FOXA3: variants seen among roughly 807,000 people sequenced by gnomAD.
FOXA3 encodes forkhead box A3.
In FOXA3, 11 loss-of-function variants were observed where a neutral mutation model predicts 16.9. That is an observed-to-expected ratio of 0.65 (90% CI 0.41 to 1.08). FOXA3 has a LOEUF of 1.08. Among genes scored for constraint, FOXA3 ranks in the 50% least tolerant of loss-of-function variants. FOXA3 has a pLI of 0.00. For synonymous variants in FOXA3, 217 were observed against 203.3 expected, an observed-to-expected ratio of 1.07 and a Z score of -0.57; for missense variants, 423 against 470.1, an observed-to-expected ratio of 0.90 and a Z score of 0.93.
intron 1 of FOXA3, among the ~76,000 whole-genome samples, chr19:45,869,977 G>C (rs1385710767): frequency 1.3e-5 from 2 of 151,540 alleles, no homozygotes; most frequent in African/African-American, 4.9e-5. Flanking sequence ...GTAGAGACAG[G>C]GTTTTGCCAT....
At position 45,873,180 on chromosome 19, in the gene FOXA3, T is replaced by TA. The variant is rs1966928020; in HGVS notation, c.*123dup. The TA allele has an allele frequency of 7.0e-7, 1 of 1,436,588 alleles. No homozygotes were observed. Among genetic ancestry groups the TA allele is most frequent in the Non-Finnish European group, 9.4e-7 (1 of 1,059,570 alleles). The allele number at this position is 1,436,588 out of a possible 1,614,324, so 89.0% of individuals were successfully genotyped here. The stretch of plus-strand genomic sequence containing the variant: ...TTAACATCTGGGTGGGTCTATTACT[T>TA]ACTGTGATGACTGCTGTCTCAGTGG... On this transcript the variant is annotated 3_prime_UTR_variant, in exon 2 of 2. Coordinates refer to ENST00000302177, the MANE Select transcript of FOXA3 (RefSeq NM_004497.3).
At position 45,872,911 on chromosome 19, in the gene FOXA3, C is replaced by T; in HGVS notation, c.906C>T (p.His302=). The T allele has an allele frequency of 6.2e-7, 1 of 1,614,184 alleles. No individual in the cohort carries two copies. The highest frequency in any genetic ancestry group is 1.3e-5 in the African/African-American group (1 of 75,040). The change falls in exon 2 of 2, where the codon CAC becomes CAT. Residue 302 remains histidine (H), a synonymous_variant. Coordinates refer to ENST00000302177, the MANE Select transcript of FOXA3 (RefSeq NM_004497.3). The surrounding 1 kb of genome is among the most constrained non-coding windows in gnomAD (Gnocchi z 4.5). ...TGGACGCGCCCTACAACTTCAACCA[C>T]CCTTTCTCCATCAACAACCTAATGT... The part of the protein sequence containing the change: ...LKLDAPYNFN[H]PFSINNLMSE...
In FOXA3 at chr19:45,872,295, C is replaced by G. The variant is rs776028725; in HGVS notation, c.290C>G (p.Pro97Arg). 1.9e-6 allele frequency: 3 copies of G among 1,613,900 alleles called. No individual in the cohort carries two copies. The highest frequency in any genetic ancestry group is 2.5e-6 in the Non-Finnish European group (3 of 1,179,808). Residue 97 changes from proline to arginine, a missense_variant, in exon 2 of 2, where the codon CCT becomes CGT. By Grantham distance (103) the Pro-to-Arg change is moderately radical (BLOSUM62 -2). Around this residue, in one of 3 missense-constraint regions of FOXA3, gnomAD observed 170 missense variants for 153.9 expected, o/e 1.10. Transcript: ENST00000302177. This position sits in a 1 kb window ranked among gnomAD's most constrained non-coding sequence, Gnocchi z 4.5. ...AGCTCCGGGTACGGGGCCCCGGGTC[C>G]TGGGCTGGTGCACGGGAAGGAGATG... ...SSSSGYGAPG[P>R]GLVHGKEMPK...
chr19:45,873,136 A>G lies in FOXA3; in HGVS notation c.*78A>G, dbSNP rs1966927608. ...CTTGGGGCCTGATCCTTCTGGTGAC[A>G]CTTCACTTGTCCCATTGGTTAACAT... On this transcript the variant is annotated 3_prime_UTR_variant, in exon 2 of 2. Coordinates refer to ENST00000302177, the MANE Select transcript of FOXA3 (RefSeq NM_004497.3). 6.5e-6 allele frequency: 10 copies of G among 1,546,656 alleles called. No homozygotes were observed. Among genetic ancestry groups the G allele is most frequent in the South Asian group, 1.2e-5 (1 of 83,270 alleles).
At chr19:45,869,599 G>A (rs1011947340) in intron 1 of FOXA3, among the ~76,000 whole-genome samples, 2 of 152,126 alleles carry the variant, frequency 1.3e-5, no homozygotes, top group Non-Finnish European at 2.9e-5. Context: ...GCATTTTACA[G>A]TCAACAGTGT....
Position 45,872,292 on chromosome 19 carries a change from G to C in FOXA3, c.287G>C (p.Gly96Ala), listed in dbSNP as rs1314889853. The change falls in exon 2 of 2, where the codon GGT becomes GCT. Residue 96 changes from glycine to alanine, a missense_variant. By Grantham distance (60) the Gly-to-Ala change is moderately conservative. Around this residue, in one of 3 missense-constraint regions of FOXA3, gnomAD observed 170 missense variants for 153.9 expected, o/e 1.10. Coordinates refer to ENST00000302177, the MANE Select transcript of FOXA3 (RefSeq NM_004497.3). This position sits in a 1 kb window ranked among gnomAD's most constrained non-coding sequence, Gnocchi z 4.5. ...AGCAGCTCCGGGTACGGGGCCCCGGGTCCTGGGCTGGTGCACGGGAAGGAG... is the reference window on the plus strand; with the variant it reads ...AGCAGCTCCGGGTACGGGGCCCCGGCTCCTGGGCTGGTGCACGGGAAGGAG... ...GSSSSGYGAP[G>A]PGLVHGKEMP... 20 of 1,613,734 alleles carry C rather than the reference G, an allele frequency of 1.2e-5. No homozygotes were observed. The highest frequency in any genetic ancestry group is 1.6e-5 in the Non-Finnish European group (19 of 1,179,786).
At chr19:45,870,695 G>C (rs757843295) in intron 1 of FOXA3, among the ~76,000 whole-genome samples, 1 of 149,782 alleles carries the variant, frequency 6.7e-6, no homozygotes, top group African/African-American at 2.5e-5. Flanking sequence ...TCAACCTCCC[G>C]AGTAGCTGGG....
chr19:45,868,689 G>A (rs1248450247), intron 1 of FOXA3, among the ~76,000 whole-genome samples: 1 of 151,536 alleles, frequency 6.6e-6, no homozygotes, highest in Non-Finnish European at 1.5e-5. Context: ...CCCCACCCAC[G>A]CAGTGCCATG....
In FOXA3 at chr19:45,868,968, G is replaced by T. The variant is rs577975760; in HGVS notation, c.70-3107G>T. Among the ~76,000 whole-genome samples the T allele has an allele frequency of 1.7e-3, 260 of 152,202 alleles. 1 individual carries two copies. The highest frequency in any genetic ancestry group is 3.0e-3 in the Non-Finnish European group (203 of 68,010). ...TTTTGAGATGGAGTCTTGCTCTGTT[G>T]CCCAGGCTGGAGGCAGTGGCACGAT... On this transcript the variant is annotated intron_variant, in intron 1 of 1. Coordinates refer to ENST00000302177, the MANE Select transcript of FOXA3 (RefSeq NM_004497.3).
intron 1 of FOXA3, among the ~76,000 whole-genome samples, chr19:45,870,134 T>C (rs1430023000): frequency 6.6e-6 from 1 of 150,476 alleles, no homozygotes; most frequent in East Asian, 2.0e-4. Context: ...GCTACACATA[T>C]ATGTTAGATA....
At chr19:45,871,201 T>A (rs948945444) in intron 1 of FOXA3, among the ~76,000 whole-genome samples, 3 of 152,216 alleles carry the variant, frequency 2.0e-5, no homozygotes, top group African/African-American at 7.2e-5. Flanking sequence ...TGTATTCATT[T>A]AAAAATAGCA....
intron 1 of FOXA3, among the ~76,000 whole-genome samples, chr19:45,868,577 T>TA (rs34586958): frequency 0.081 from 9,473 of 116,498 alleles, 433 homozygotes; most frequent in Middle Eastern, 0.13. Context: ...GAGACTCTCT[T>TA]AAAAAAAAAA....
intron 1 of FOXA3, among the ~76,000 whole-genome samples, chr19:45,867,838 T>G (rs1972098390): frequency 1.5e-5 from 2 of 133,628 alleles, no homozygotes; most frequent in African/African-American, 5.8e-5. Flanking sequence ...AGGTGGGAGT[T>G]GGGGTTGGGA....
intron 1 of FOXA3, among the ~76,000 whole-genome samples, chr19:45,867,240 ACT>A (rs1384911039): frequency 2.0e-5 from 3 of 149,876 alleles, no homozygotes; most frequent in African/African-American, 7.4e-5. Flanking sequence ...GGATTTGGAA[ACT>A]CTGTGGACCC....
At chr19:45,864,972 T>C (rs530048487) in intron 1 of FOXA3, among the ~76,000 whole-genome samples, 1 of 151,740 alleles carries the variant, frequency 6.6e-6, no homozygotes, top group East Asian at 1.9e-4. Flanking sequence ...AAGACTGAGG[T>C]GGGAGCTCAG....
At position 45,872,981 on chromosome 19, in the gene FOXA3, G is replaced by A; in HGVS notation, c.976G>A (p.Gly326Ser). 5 of 1,613,924 alleles carry A rather than the reference G, an allele frequency of 3.1e-6. No individual in the cohort carries two copies. In the South Asian group the frequency reaches 4.4e-5, roughly 14 times the overall value. Residue 326 changes from glycine (G) to serine (S), a missense_variant, in exon 2 of 2, where the codon GGC (glycine) becomes AGC (serine). Transcript: ENST00000302177. The surrounding 1 kb of genome is among the most constrained non-coding windows in gnomAD (Gnocchi z 4.5). ...APPKLDVGFG[G>S]YGAEGGEPGV... Reference sequence around the variant, plus strand: ...TCCCAAACTGGACGTGGGGTTTGGGGGCTACGGGGCTGAAGGTGGGGAGCC... The same window carrying A: ...TCCCAAACTGGACGTGGGGTTTGGGAGCTACGGGGCTGAAGGTGGGGAGCC...
At chr19:45,867,779 C>CAAAAAAAAAAAA (rs60785587) in intron 1 of FOXA3, among the ~76,000 whole-genome samples, 34 of 55,452 alleles carry the variant, frequency 6.1e-4, no homozygotes, top group South Asian at 8.9e-4. Flanking sequence ...GACTCTATCT[C>CAAAAAAAAAAAA]AAAAAAAAAA....
At chr19:45,864,977 G>A (rs549720433) in intron 1 of FOXA3, among the ~76,000 whole-genome samples, 1 of 152,096 alleles carries the variant, frequency 6.6e-6, no homozygotes. Context: ...TGAGGTGGGA[G>A]CTCAGGGCCA....
rs1487532382 is a variant in FOXA3 at position 45,873,297 on chromosome 19, T to A, written c.*239T>A. 5.0e-6 allele frequency: 3 copies of A among 598,738 alleles called. No homozygotes were observed. The highest frequency in any genetic ancestry group is 8.7e-6 in the Non-Finnish European group (3 of 345,030). The allele number at this position is 598,738 out of a possible 1,614,324, so 37.1% of individuals were successfully genotyped here. A position where few individuals can be genotyped will look rare whatever the true frequency, so the allele number is the denominator to read the frequency against. Reference sequence around the variant, plus strand: ...CTGTGAGGACTGCTACATTGATGGATGTTATTGGCTAATCCACTGCATGGT... The same window carrying A: ...CTGTGAGGACTGCTACATTGATGGAAGTTATTGGCTAATCCACTGCATGGT... On this transcript the variant is annotated 3_prime_UTR_variant, in exon 2 of 2. Coordinates refer to ENST00000302177, the MANE Select transcript of FOXA3 (RefSeq NM_004497.3).
Sources: gnomAD v4.1 joint callset for allele counts (sites outside exome capture counted in the v4.1 genomes callset) on GRCh38, gnomAD v4.1.1 for gene constraint, gnomAD v4.1.1 regional missense constraint, Gnocchi (gnomAD v3.1) non-coding constraint, MANE v1.5 for transcripts, NCBI Gene and HGNC (gene_info 2026-07-23, HGNC 2026-07-21) for gene names.